The following ZRANB3 variants were observed in gnomAD, a reference collection of about 807,000 sequenced individuals.
ZRANB3 encodes zinc finger RANBP2-type containing 3, also known as DNA annealing helicase and endonuclease ZRANB3.
ZRANB3 carries 125 observed loss-of-function variants against 133.8 expected under a neutral mutation model. That is an observed-to-expected ratio of 0.93 (90% confidence interval 0.81 to 1.08). The LOEUF is 1.08. Ranked by LOEUF, ZRANB3 falls within the 50% of genes least tolerant of loss-of-function variation. The probability of loss-of-function intolerance (pLI) is 0.00; values close to 1 mark genes in which losing one functional copy is unlikely to be tolerated. For synonymous variants in ZRANB3, 387 were observed against 432.7 expected (o/e 0.89, Z 1.31); for missense variants, 1,229 against 1,275.5 (o/e 0.96, Z 0.56).
chr2:135,455,170 A>AC, intron 2 of ZRANB3, among the ~76,000 whole-genome samples: 1 of 67,572 alleles, frequency 1.5e-5, no homozygotes, highest in South Asian at 6.3e-4. Flanking sequence ...GCCTTCTTAT[A>AC]CTTTTTTTTT....
chr2:135,324,036 TG>T (rs756515612), intron 6 of ZRANB3, among the ~76,000 whole-genome samples: 72 of 152,294 alleles, frequency 4.7e-4, no homozygotes, highest in South Asian at 1.0e-3. Flanking sequence ...CCCAAAGTGC[TG>T]GGATTATAGG....
chr2:135,272,601 G>GA (rs1680583270), intron 9 of ZRANB3, among the ~76,000 whole-genome samples: 5 of 151,622 alleles, frequency 3.3e-5, no homozygotes, highest in Non-Finnish European at 5.9e-5. Context: ...TTTTAGTAGA[G>GA]ACAGGGTTTC....
intron 17 of ZRANB3, among the ~76,000 whole-genome samples, chr2:135,211,055 A>C (rs913901079): frequency 6.6e-6 from 1 of 152,110 alleles, no homozygotes; most frequent in African/African-American, 2.4e-5. Context: ...GAAAAATAAA[A>C]TAAGAAATAG....
At chr2:135,345,918 ATG>A (rs1347107327) in intron 5 of ZRANB3, among the ~76,000 whole-genome samples, 3 of 152,190 alleles carry the variant, frequency 2.0e-5, no homozygotes, top group Non-Finnish European at 4.4e-5. Flanking sequence ...CCCATAAAAC[ATG>A]TCTCAGACAC....
chr2:135,368,355 A>T (rs1686027658), intron 3 of ZRANB3, among the ~76,000 whole-genome samples: 1 of 152,020 alleles, frequency 6.6e-6, no homozygotes, highest in African/African-American at 2.4e-5. Flanking sequence ...AAATAATGAA[A>T]GTTAGTTTTT....
intron 8 of ZRANB3, among the ~76,000 whole-genome samples, chr2:135,297,672 G>T (rs563648402): frequency 1.3e-5 from 2 of 152,198 alleles, no homozygotes; most frequent in African/African-American, 4.8e-5. Context: ...CATCGCTCAC[G>T]CTGGGAGCTG....
intron 1 of ZRANB3, among the ~76,000 whole-genome samples, chr2:135,513,999 C>G (rs1363362135): frequency 6.6e-6 from 1 of 152,156 alleles, no homozygotes. Flanking sequence ...GTTTATATAT[C>G]TCTTTTGGTA....
chr2:135,233,066 A>G (rs1695110412), intron 12 of ZRANB3, among the ~76,000 whole-genome samples: 2 of 152,244 alleles, frequency 1.3e-5, no homozygotes, highest in African/African-American at 4.8e-5. Flanking sequence ...ACGAATGGCT[A>G]ACTAGAATAC....
chr2:135,417,054 G>A (rs1168946583), intron 2 of ZRANB3, among the ~76,000 whole-genome samples: 5 of 152,222 alleles, frequency 3.3e-5, no homozygotes, highest in East Asian at 1.9e-4. Context: ...GCATGGGCAA[G>A]GACTTCATGA....
intron 1 of ZRANB3, among the ~76,000 whole-genome samples, chr2:135,528,466 C>G (rs1694254738): frequency 1.3e-5 from 2 of 152,048 alleles, no homozygotes; most frequent in South Asian, 2.1e-4. Flanking sequence ...TCTTATTTAC[C>G]TTCATTGAGC....
At position 135,508,211 on chromosome 2, in the gene ZRANB3, C is replaced by T. The variant is rs543526945; in HGVS notation, c.-7-3715G>A. Among the ~76,000 whole-genome samples, 46 of 152,264 alleles carry T rather than the reference C, an allele frequency of 3.0e-4. No individual in the cohort carries two copies. The East Asian group carries it at 5.2e-3, about 17-fold the overall frequency. On this transcript the variant is annotated intron_variant, in intron 1 of 20. Transcript: ENST00000264159. Reference sequence around the variant, plus strand: ...GGAGTGCAGTGGCACGATCTCGGCTCACTGCAAGCTCCGCCTCCTGGGTTC... The same window carrying T: ...GGAGTGCAGTGGCACGATCTCGGCTTACTGCAAGCTCCGCCTCCTGGGTTC...
At chr2:135,298,593 T>C (rs1416308995) in intron 8 of ZRANB3, among the ~76,000 whole-genome samples, 1 of 152,090 alleles carries the variant, frequency 6.6e-6, no homozygotes, top group Non-Finnish European at 1.5e-5. Context: ...ATTGCTCTTA[T>C]GGGTCTAGCC....
At chr2:135,469,461 C>A (rs1228455464) in intron 2 of ZRANB3, among the ~76,000 whole-genome samples, 2 of 152,176 alleles carry the variant, frequency 1.3e-5, no homozygotes, top group East Asian at 3.9e-4. Flanking sequence ...TAATCATTAT[C>A]AGTTAAGAAC....
At chr2:135,401,009 G>A (rs1250437042) in intron 2 of ZRANB3, among the ~76,000 whole-genome samples, 1 of 152,026 alleles carries the variant, frequency 6.6e-6, no homozygotes, top group South Asian at 2.1e-4. Context: ...TTAAAATCAG[G>A]CCTATGTATA....
At chr2:135,231,818 G>T (rs1431520762) in intron 12 of ZRANB3, among the ~76,000 whole-genome samples, 1 of 151,952 alleles carries the variant, frequency 6.6e-6, no homozygotes, top group East Asian at 1.9e-4. Flanking sequence ...AACGGGGGAT[G>T]GAGCCAAGAT....
intron 2 of ZRANB3, among the ~76,000 whole-genome samples, chr2:135,455,131 T>C (rs1690444722): frequency 6.7e-6 from 1 of 150,142 alleles, no homozygotes; most frequent in Non-Finnish European, 1.5e-5. Context: ...ACTCTTTCAG[T>C]GTGCCTGGCC....
At chr2:135,452,601 T>C (rs183073373) in intron 2 of ZRANB3, among the ~76,000 whole-genome samples, 67 of 152,248 alleles carry the variant, frequency 4.4e-4, no homozygotes, top group African/African-American at 1.3e-3. Context: ...AATGGAGGAA[T>C]TGGCCAAAAT....
At chr2:135,501,350 T>G (rs967735683) in intron 2 of ZRANB3, among the ~76,000 whole-genome samples, 1 of 152,152 alleles carries the variant, frequency 6.6e-6, no homozygotes, top group Non-Finnish European at 1.5e-5. Context: ...TTTCTGAACA[T>G]AAGTCCTTCC....
intron 5 of ZRANB3, among the ~76,000 whole-genome samples, chr2:135,349,601 T>C (rs754572879): frequency 2.0e-5 from 3 of 152,164 alleles, no homozygotes; most frequent in Non-Finnish European, 2.9e-5. Context: ...AGCTCTGAAA[T>C]GCAGTGTAAA....
Sources: gnomAD v4.1 joint callset for allele counts (sites outside exome capture counted in the v4.1 genomes callset) on GRCh38, gnomAD v4.1.1 for gene constraint, MANE v1.5 for transcripts, NCBI Gene and HGNC (gene_info 2026-07-23, HGNC 2026-07-21) for gene names.